RUFY1: variants seen among roughly 807,000 people sequenced by gnomAD.
RUFY1 encodes the protein RUN and FYVE domain-containing protein 1.
RUFY1 carries 54 observed loss-of-function variants against 94.6 expected under a neutral mutation model. That is an observed-to-expected ratio of 0.57 (90% CI 0.46 to 0.72). RUFY1 has a LOEUF of 0.72. RUFY1 is among the 30% of genes least tolerant of loss of function. The pLI is 0.00. For synonymous variants in RUFY1, 396 were observed against 347.3 expected (o/e 1.14, Z -1.56); for missense variants, 883 against 883.9 (o/e 1.00, Z 0.01).
At chr5:179,568,907 G>A in intron 4 of RUFY1, 1 of 378,086 alleles carries the variant, frequency 2.6e-6, no homozygotes, top group Non-Finnish European at 3.6e-6. Flanking sequence ...AGAAGGAGGA[G>A]TGTTATTCTT....
chr5:179,576,261 C>T (rs1019643836), intron 5 of RUFY1, among the ~76,000 whole-genome samples: 8 of 152,066 alleles, frequency 5.3e-5, no homozygotes, highest in Non-Finnish European at 1.0e-4. Flanking sequence ...TGCTTTATTT[C>T]TTGGCAAAGC....
rs367784503 is a variant in RUFY1 at position 179,601,940 on chromosome 5, G to A, written c.1810G>A (p.Glu604Lys). 262 of 1,613,662 alleles carry A rather than the reference G, an allele frequency of 1.6e-4. No homozygotes were observed. The highest frequency in any genetic ancestry group is 2.0e-4 in the Non-Finnish European group (235 of 1,179,922). Residue 604 changes from glutamate to lysine, a missense_variant, in exon 15 of 18, where the codon GAG becomes AAG. Physicochemically the swap from Glu to Lys is moderately conservative, Grantham distance 56. Coordinates refer to ENST00000319449, the MANE Select transcript of RUFY1 (RefSeq NM_025158.5). ...DEKAELQKIC[E>K]EQEQALQEMG... ...GAAGGCAGAGCTGCAGAAGATCTGCGAGGAGCAGGAACAAGCCCTCCAGGA... is the reference window on the plus strand; with the variant it reads ...GAAGGCAGAGCTGCAGAAGATCTGCAAGGAGCAGGAACAAGCCCTCCAGGA...
intron 10 of RUFY1, among the ~76,000 whole-genome samples, chr5:179,593,126 G>A (rs931506651): frequency 1.1e-4 from 16 of 152,270 alleles, no homozygotes; most frequent in African/African-American, 3.8e-4. Flanking sequence ...TGTCACCCAG[G>A]CTGGAGTGGT....
At chr5:179,564,431 T>G (rs1423453610) in intron 3 of RUFY1, among the ~76,000 whole-genome samples, 45 of 151,174 alleles carry the variant, frequency 3.0e-4, no homozygotes, top group Non-Finnish European at 4.9e-4. Flanking sequence ...TTTTTTTTTT[T>G]TTTTTTTTTT....
chr5:179,584,662 G>T (rs1051321241), intron 7 of RUFY1, among the ~76,000 whole-genome samples: 2 of 151,896 alleles, frequency 1.3e-5, no homozygotes, highest in African/African-American at 2.4e-5. Context: ...AAGGTGGGAG[G>T]CCAAGGTGGG....
In RUFY1 at chr5:179,560,143, C is replaced by T; in HGVS notation, c.429C>T (p.Ala143=). Reference sequence around the variant, plus strand: ...GCCGCAGCCTGGATGCGGACCATGCCCCCTTGCAGCAGTTCTTTGTAGTGA... The same window carrying T: ...GCCGCAGCCTGGATGCGGACCATGCTCCCTTGCAGCAGTTCTTTGTAGTGA... ...SLGRSLDADH[A]PLQQFFVVME... The change falls in exon 2 of 18, where the codon GCC becomes GCT. Residue 143 remains alanine (A), a synonymous_variant. Transcript: ENST00000319449. The T allele has an allele frequency of 6.2e-7, 1 of 1,614,042 alleles. No individual in the cohort carries two copies. The highest frequency in any genetic ancestry group is 8.5e-7 in the Non-Finnish European group (1 of 1,179,992).
At chr5:179,608,345 A>C in intron 17 of RUFY1, 1 of 985,848 alleles carries the variant, frequency 1.0e-6, no homozygotes. Flanking sequence ...CCCGAGTTTC[A>C]GGCAGTGCCT....
Position 179,550,628 on chromosome 5 carries a change from T to TGGAGCCGGGGCCGGGGCC in RUFY1, c.60_77dup (p.Glu21_Pro26dup), listed in dbSNP as rs1554112852. The TGGAGCCGGGGCCGGGGCC allele has an allele frequency of 1.5e-6, 2 of 1,340,298 alleles. No individual in the cohort carries two copies. The highest frequency in any genetic ancestry group is 5.3e-5 in the African/African-American group (2 of 37,540). The allele number at this position is 1,340,298 out of a possible 1,614,324, so 83.0% of individuals were successfully genotyped here. ...CGGGGGCGGGAGCTGGAGCCGGAGC[T>TGGAGCCGGGGCCGGGGCC]GGAGCCGGGGCCGGGGCCCGGGTCA... is the stretch of plus-strand genomic sequence containing the variant. On this transcript the variant is annotated inframe_insertion, in exon 1 of 18. Coordinates refer to ENST00000319449, the MANE Select transcript of RUFY1 (RefSeq NM_025158.5).
At chr5:179,557,122 G>A (rs988384960) in intron 1 of RUFY1, among the ~76,000 whole-genome samples, 5 of 152,106 alleles carry the variant, frequency 3.3e-5, no homozygotes, top group African/African-American at 1.2e-4. Flanking sequence ...CAAAACAAAA[G>A]TTTTACCAAG....
At chr5:179,608,899 C>CTA (rs1767394137) in intron 17 of RUFY1, among the ~76,000 whole-genome samples, 1 of 146,666 alleles carries the variant, frequency 6.8e-6, no homozygotes, top group Admixed American at 7.0e-5. Flanking sequence ...CCACTGCACC[C>CTA]CAGCCTGGGC....
chr5:179,580,245 A>ATATATATATAT (rs59300402), intron 6 of RUFY1, among the ~76,000 whole-genome samples: 20,414 of 81,322 alleles, frequency 0.25, 2,285 homozygotes, highest in Non-Finnish European at 0.35. Context: ...GTGTGTGTAT[A>ATATATATATAT]TTTTTTTTTT....
At chr5:179,552,305 A>G (rs560953380) in intron 1 of RUFY1, among the ~76,000 whole-genome samples, 1 of 152,170 alleles carries the variant, frequency 6.6e-6, no homozygotes, top group African/African-American at 2.4e-5. Flanking sequence ...AAATGCTGGG[A>G]CAGAGCTGAG....
At chr5:179,598,432 T>G in intron 13 of RUFY1, 1 of 468,060 alleles carries the variant, frequency 2.1e-6, no homozygotes, top group Non-Finnish European at 3.8e-6. Flanking sequence ...TCTGCTTATG[T>G]GGTCTAAGTG....
At chr5:179,586,474 A>G (rs1388290700) in intron 8 of RUFY1, 1 of 455,958 alleles carries the variant, frequency 2.2e-6, no homozygotes, top group Non-Finnish European at 4.4e-6. Flanking sequence ...GGCTTTCCAC[A>G]GGTAGCAGTC....
At chr5:179,581,620 G>T (rs1764169546) in intron 7 of RUFY1, among the ~76,000 whole-genome samples, 1 of 151,834 alleles carries the variant, frequency 6.6e-6, no homozygotes, top group East Asian at 1.9e-4. Context: ...AAAGCCAGGT[G>T]AAGAAGCTGG....
chr5:179,607,961 G>A lies in RUFY1; in HGVS notation c.1983+302G>A, dbSNP rs148640719. ...GTGTGCAGAGCTGCTCTAGGGGAGT[G>A]TCATTGAAAATTCTCTGTATGCGGC... On this transcript the variant is annotated intron_variant, in intron 17 of 17. Coordinates refer to ENST00000319449, the MANE Select transcript of RUFY1 (RefSeq NM_025158.5). Among the ~76,000 whole-genome samples, 104 of 152,324 alleles carry A rather than the reference G, an allele frequency of 6.8e-4. 1 individual carries two copies. The Middle Eastern group carries it at 0.017, about 25-fold the overall frequency.
chr5:179,584,503 G>A (rs1764438872), intron 7 of RUFY1, among the ~76,000 whole-genome samples: 1 of 152,228 alleles, frequency 6.6e-6, no homozygotes, highest in Non-Finnish European at 1.5e-5. Context: ...TAGAGGCCAG[G>A]TGTGGAAGCT....
chr5:179,604,899 G>A (rs1403254231), intron 15 of RUFY1, among the ~76,000 whole-genome samples: 1 of 151,024 alleles, frequency 6.6e-6, no homozygotes, highest in African/African-American at 2.5e-5. Context: ...CAGGAGAATT[G>A]CTTGAGCCCA....
In RUFY1 at chr5:179,567,464, A is replaced by G; in HGVS notation, c.606A>G (p.Thr202=). Residue 202 remains threonine (T), a synonymous_variant, in exon 4 of 18, where the codon ACA becomes ACG. Coordinates refer to ENST00000319449, the MANE Select transcript of RUFY1 (RefSeq NM_025158.5). ...TGATTCTCTGTTTGAATTCTAGGACAGCTGTGGGAAGAGGCCGAGCGTGGC... is the reference window on the plus strand; with the variant it reads ...TGATTCTCTGTTTGAATTCTAGGACGGCTGTGGGAAGAGGCCGAGCGTGGC... ...TSVRNLPELK[T]AVGRGRAWLY... The G allele has an allele frequency of 6.2e-7, 1 of 1,612,240 alleles. No individual in the cohort carries two copies. The highest frequency in any genetic ancestry group is 8.5e-7 in the Non-Finnish European group (1 of 1,178,352).
Sources: allele counts gnomAD v4.1 joint callset (sites outside exome capture counted in the v4.1 genomes callset), GRCh38; gene constraint gnomAD v4.1.1; transcripts MANE v1.5; gene names NCBI Gene and HGNC (gene_info 2026-07-23, HGNC 2026-07-21).